Variants in UPB1 observed in about 807,000 individuals in gnomAD.
UPB1 encodes beta-ureidopropionase 1.
A neutral mutation model predicts 49.1 loss-of-function variants in UPB1; 40 were observed. That is an observed-to-expected ratio of 0.81 (90% CI 0.63 to 1.06). The LOEUF is 1.06. Among genes scored for constraint, UPB1 ranks in the 50% least tolerant of loss-of-function variants. The pLI, the probability that UPB1 is intolerant of heterozygous loss-of-function variation, is 0.00. For missense variants in UPB1, 499 were observed against 505.9 expected, an observed-to-expected ratio of 0.99 and a Z score of 0.13; for synonymous variants, 207 against 198.2, an observed-to-expected ratio of 1.04 and a Z score of -0.38.
intron 4 of UPB1, among the ~76,000 whole-genome samples, chr22:24,511,163 C>A (rs759486226): frequency 6.6e-6 from 1 of 152,144 alleles, no homozygotes; most frequent in African/African-American, 2.4e-5. Flanking sequence ...CCAGAGAAGC[C>A]AGTTTCTCAT....
At chr22:24,498,170 C>T (rs954159000) in intron 1 of UPB1, among the ~76,000 whole-genome samples, 3 of 152,108 alleles carry the variant, frequency 2.0e-5, no homozygotes, top group Non-Finnish European at 4.4e-5. Context: ...GCAAGCATGC[C>T]CTCTTGGTCT....
chr22:24,497,495 G>A (rs2043914037), intron 1 of UPB1, among the ~76,000 whole-genome samples: 1 of 152,222 alleles, frequency 6.6e-6, no homozygotes, highest in African/African-American at 2.4e-5. Context: ...GGTGTCCTCT[G>A]GCAAGGTCTG....
chr22:24,511,961 C>T (rs1042399966), intron 4 of UPB1, among the ~76,000 whole-genome samples: 6 of 152,060 alleles, frequency 3.9e-5, no homozygotes, highest in South Asian at 4.2e-4. Context: ...CATGAGGTGA[C>T]GAATGGTCAT....
intron 6 of UPB1, among the ~76,000 whole-genome samples, 188 bp downstream of exon 6, chr22:24,515,558 A>T (rs2044280521): frequency 6.6e-6 from 1 of 152,264 alleles, no homozygotes; most frequent in South Asian, 2.1e-4. Context: ...CAAGATGGCA[A>T]TGAGCAATCC....
chr22:24,509,716 C>T (rs1391624523), intron 3 of UPB1, among the ~76,000 whole-genome samples: 1 of 149,028 alleles, frequency 6.7e-6, no homozygotes, highest in African/African-American at 2.5e-5. Context: ...CAATTTAAAA[C>T]TTTTTGTGTG....
chr22:24,501,513 T>C (rs77800332), intron 2 of UPB1, among the ~76,000 whole-genome samples: 2,384 of 152,060 alleles, frequency 0.016, 55 homozygotes, highest in African/African-American at 0.055. Flanking sequence ...GGATGCTGAG[T>C]TACCTTGACA....
chr22:24,502,865 A>G, intron 3 of UPB1: 1 of 249,124 alleles, frequency 4.0e-6, no homozygotes. Flanking sequence ...TCCTTGTTCT[A>G]TCCCCCCAGC....
At chr22:24,514,023 C>T (rs563513507) in intron 5 of UPB1, among the ~76,000 whole-genome samples, 6 of 152,162 alleles carry the variant, frequency 3.9e-5, no homozygotes, top group Admixed American at 2.6e-4. Flanking sequence ...ATGATCAGGG[C>T]ATAAGTTGGG....
intron 3 of UPB1, chr22:24,502,872 C>G (rs988262909): frequency 4.3e-6 from 1 of 232,686 alleles, no homozygotes; most frequent in Admixed American, 5.1e-5. Flanking sequence ...TCTATCCCCC[C>G]AGCCCATTTT....
intron 9 of UPB1, among the ~76,000 whole-genome samples, chr22:24,525,333 C>G (rs1046813412): frequency 6.6e-6 from 1 of 152,122 alleles, no homozygotes; most frequent in African/African-American, 2.4e-5. Flanking sequence ...CATCCAGGAG[C>G]CCCTGGTTCA....
chr22:24,508,964 A>G (rs1295110513), intron 3 of UPB1, among the ~76,000 whole-genome samples: 1 of 152,236 alleles, frequency 6.6e-6, no homozygotes, highest in East Asian at 1.9e-4. Context: ...TAGTCCAGAC[A>G]AGGATTGAGT....
Position 24,526,719 on chromosome 22 carries a change from T to G in UPB1, c.*925T>G, listed in dbSNP as rs1280073812. On this transcript the variant is annotated 3_prime_UTR_variant, in exon 10 of 10. Transcript: ENST00000326010. The stretch of plus-strand genomic sequence containing the variant: ...TTTTAGAATTCTTCCCTAGTTTGAT[T>G]GAACTTAAAGGCATCAATGACTCTA... 1 of 152,232 alleles carries G rather than the reference T, an allele frequency of 6.6e-6. No individual in the cohort carries two copies. Among genetic ancestry groups the G allele is most frequent in the Non-Finnish European group, 1.5e-5 (1 of 68,054 alleles). The allele number at this position is 152,232 out of a possible 1,614,324, so 9.4% of individuals were successfully genotyped here.
rs760511833 is a variant in UPB1, at chr22:24,500,081, T to C, written c.105-26T>C. On this transcript the variant is annotated intron_variant, in intron 1 of 9. Transcript: ENST00000326010. ...TGGAGCAGACTGCATCAAAATCCCC[T>C]TCCCTCTTTTTTCCTGCCCATCTAG... is the stretch of plus-strand genomic sequence containing the variant. The C allele has an allele frequency of 5.6e-6, 9 of 1,613,920 alleles. No individual in the cohort carries two copies. In the African/African-American group the frequency reaches 1.1e-4, roughly 19 times the overall value.
rs144213713 is a variant in UPB1, at chr22:24,520,458, G to A, written c.863G>A (p.Arg288Gln). The A allele has an allele frequency of 2.2e-5, 35 of 1,613,918 alleles. No individual in the cohort carries two copies. The African/African-American group carries it at 4.0e-4, about 18-fold the overall frequency. Residue 288 changes from arginine (R) to glutamine (Q), a missense_variant, in exon 7 of 10, where the codon CGA becomes CAA. Transcript: ENST00000326010. The stretch of plus-strand genomic sequence containing the variant: ...CACTGCTTCACCTGCGCCATCAATC[G>A]AGTGGGCACCGTAAGTCCCGAGGTC... ...ANHCFTCAINRVGTEHFPNEF... is the reference protein window; with the variant it reads ...ANHCFTCAINQVGTEHFPNEF...
chr22:24,505,596 C>T (rs902979069), intron 3 of UPB1, among the ~76,000 whole-genome samples: 11 of 152,232 alleles, frequency 7.2e-5, no homozygotes, highest in African/African-American at 2.4e-4. Flanking sequence ...CAGAGAGCCT[C>T]TGCTGAACCA....
At chr22:24,515,907 C>T (rs567933433) in intron 6 of UPB1, among the ~76,000 whole-genome samples, 4 of 152,242 alleles carry the variant, frequency 2.6e-5, no homozygotes, top group East Asian at 1.9e-4. Flanking sequence ...ACTTGGGAGG[C>T]GGAGGTTGCA....
intron 4 of UPB1, among the ~76,000 whole-genome samples, chr22:24,511,895 G>A (rs1055165019): frequency 6.6e-6 from 1 of 152,092 alleles, no homozygotes; most frequent in African/African-American, 2.4e-5. Context: ...GATTATAGGC[G>A]TGAGCCACCG....
intron 1 of UPB1, among the ~76,000 whole-genome samples, chr22:24,497,974 C>G (rs1430385707): frequency 6.6e-6 from 1 of 152,134 alleles, no homozygotes; most frequent in Admixed American, 6.5e-5. Flanking sequence ...AGTGTGCAAC[C>G]CTGGCTGTAA....
At chr22:24,502,533 A>G in intron 3 of UPB1, 1 of 779,630 alleles carries the variant, frequency 1.3e-6, no homozygotes, top group Non-Finnish European at 2.4e-6. Flanking sequence ...TGCCCTCCTG[A>G]CCAGGACTTC....
Sources: gnomAD v4.1 joint callset for allele counts (sites outside exome capture counted in the v4.1 genomes callset) on GRCh38, gnomAD v4.1.1 for gene constraint, MANE v1.5 for transcripts, NCBI Gene and HGNC (gene_info 2026-07-23, HGNC 2026-07-21) for gene names.